SUGCT: variants seen among roughly 807,000 people sequenced by gnomAD.
SUGCT encodes succinyl-CoA:glutarate-CoA transferase.
A neutral mutation model predicts 55.0 loss-of-function variants in SUGCT; 41 were observed. That is an observed-to-expected ratio of 0.74 (90% CI 0.58 to 0.97). SUGCT has a LOEUF of 0.97. Among genes scored for constraint, SUGCT ranks in the 50% least tolerant of loss-of-function variants. The pLI is 0.00. For synonymous variants in SUGCT, 187 were observed against 200.4 expected (o/e 0.93, Z 0.56); for missense variants, 568 against 547.8 (o/e 1.04, Z -0.37).
intron 6 of SUGCT, among the ~76,000 whole-genome samples, chr7:40,230,526 G>A (rs1045906374): frequency 5.9e-5 from 9 of 152,194 alleles, no homozygotes; most frequent in East Asian, 3.8e-4. Context: ...GCAGGCTATC[G>A]CAGGACATGA....
At chr7:40,751,520 A>G (rs1034823645) in intron 13 of SUGCT, among the ~76,000 whole-genome samples, 4 of 152,238 alleles carry the variant, frequency 2.6e-5, no homozygotes, top group African/African-American at 9.6e-5. Flanking sequence ...TTTAGAAAAC[A>G]TCTGGTCTAG....
In SUGCT at chr7:40,496,354, A is replaced by AT; in HGVS notation, c.1057_1058insT (p.Asn353IlefsTer40). On this transcript the variant is annotated frameshift_variant, in exon 12 of 14. Coordinates refer to ENST00000335693, the MANE Select transcript of SUGCT (RefSeq NM_001193313.2). LOFTEE classifies it high-confidence loss of function. ...CAGTGGAGTCCCGTATGGCCCAATCAACAACATGAAGAATGTATTTGCAGA... is the reference window on the plus strand; with the variant it reads ...CAGTGGAGTCCCGTATGGCCCAATCATACAACATGAAGAATGTATTTGCAGA... 1 of 1,612,972 alleles carries AT rather than the reference A, an allele frequency of 6.2e-7. No homozygotes were observed. The highest frequency in any genetic ancestry group is 8.5e-7 in the Non-Finnish European group (1 of 1,179,318).
chr7:40,728,140 C>A (rs1786704501), intron 12 of SUGCT, among the ~76,000 whole-genome samples: 1 of 151,954 alleles, frequency 6.6e-6, no homozygotes, highest in Admixed American at 6.6e-5. Context: ...ATTGACTAAA[C>A]CCATTATATA....
chr7:40,225,858 C>G (rs749937971), intron 6 of SUGCT, among the ~76,000 whole-genome samples: 6 of 152,100 alleles, frequency 3.9e-5, no homozygotes, highest in Non-Finnish European at 7.4e-5. Context: ...GGGTAAGGCA[C>G]TTAGTCTTTC....
chr7:40,787,935 C>T (rs1315221363), intron 13 of SUGCT, among the ~76,000 whole-genome samples: 7 of 152,222 alleles, frequency 4.6e-5, no homozygotes, highest in South Asian at 2.1e-4. Flanking sequence ...CTCCCCTGCC[C>T]GGTGGTAACA....
chr7:40,925,162 G>A, the SUGCT span, among the ~76,000 whole-genome samples: 1 of 152,058 alleles, frequency 6.6e-6, no homozygotes, highest in Non-Finnish European at 1.5e-5. Context: ...CTAACCCTTG[G>A]AATAAAATTT....
intron 9 of SUGCT, among the ~76,000 whole-genome samples, chr7:40,328,783 T>G (rs2151141493): frequency 6.6e-6 from 1 of 152,024 alleles, no homozygotes; most frequent in African/African-American, 2.4e-5. Context: ...GTGTATGTGT[T>G]TTGGAGAAAA....
intron 12 of SUGCT, among the ~76,000 whole-genome samples, chr7:40,705,113 A>T (rs1297625677): frequency 2.0e-5 from 3 of 152,140 alleles, no homozygotes; most frequent in Non-Finnish European, 2.9e-5. Flanking sequence ...GCCCACACCA[A>T]GTTCAGCTGT....
At chr7:40,333,785 G>A (rs1361203886) in intron 9 of SUGCT, among the ~76,000 whole-genome samples, 2 of 141,486 alleles carry the variant, frequency 1.4e-5, no homozygotes, top group African/African-American at 2.7e-5. Flanking sequence ...TAAGTTCTAG[G>A]GTACATGTGC....
the SUGCT span, among the ~76,000 whole-genome samples, chr7:40,908,535 A>G: frequency 6.6e-6 from 1 of 152,176 alleles, no homozygotes; most frequent in Non-Finnish European, 1.5e-5. Context: ...ATGAGGAAAG[A>G]AAGGCAACAT....
intron 12 of SUGCT, among the ~76,000 whole-genome samples, chr7:40,584,885 A>T (rs1044694378): frequency 1.3e-5 from 2 of 152,200 alleles, no homozygotes; most frequent in Admixed American, 1.3e-4. Flanking sequence ...GCTTCCTCTC[A>T]GGAGGATCTC....
At chr7:40,183,895 C>T (rs893452382) in intron 3 of SUGCT, among the ~76,000 whole-genome samples, 2 of 152,000 alleles carry the variant, frequency 1.3e-5, no homozygotes, top group African/African-American at 4.8e-5. Flanking sequence ...CATTGTTGGC[C>T]GGGCATGGTG....
the SUGCT span, among the ~76,000 whole-genome samples, chr7:41,003,609 C>A: frequency 6.6e-6 from 1 of 152,200 alleles, no homozygotes; most frequent in African/African-American, 2.4e-5. Flanking sequence ...ATATGTCTCT[C>A]TATTTCCTTT....
chr7:40,987,713 CAG>C, the SUGCT span, among the ~76,000 whole-genome samples: 4 of 152,172 alleles, frequency 2.6e-5, no homozygotes, highest in Non-Finnish European at 5.9e-5. Flanking sequence ...ATGGAGTAAA[CAG>C]AGAGTATTTG....
At chr7:40,594,564 C>T (rs747636190) in intron 12 of SUGCT, among the ~76,000 whole-genome samples, 11 of 152,124 alleles carry the variant, frequency 7.2e-5, no homozygotes, top group Non-Finnish European at 1.5e-4. Flanking sequence ...TCAATTTTCT[C>T]CTCTATAAAA....
intron 13 of SUGCT, among the ~76,000 whole-genome samples, chr7:40,775,022 T>A (rs1487671427): frequency 1.3e-5 from 2 of 152,226 alleles, no homozygotes; most frequent in African/African-American, 4.8e-5. Flanking sequence ...CTATACTTAT[T>A]TTTGGAACTG....
intron 12 of SUGCT, among the ~76,000 whole-genome samples, chr7:40,717,956 A>T (rs541015330): frequency 6.6e-6 from 1 of 152,310 alleles, no homozygotes; most frequent in South Asian, 2.1e-4. Flanking sequence ...TTTAGTTTTT[A>T]AAAATTATCT....
chr7:40,716,496 T>G (rs967804776), intron 12 of SUGCT, among the ~76,000 whole-genome samples: 1 of 152,242 alleles, frequency 6.6e-6, no homozygotes, highest in African/African-American at 2.4e-5. Context: ...ATCTATTAAA[T>G]GCTTGTTGTG....
intron 13 of SUGCT, among the ~76,000 whole-genome samples, chr7:40,783,261 A>G (rs1004784966): frequency 1.3e-5 from 2 of 152,132 alleles, no homozygotes; most frequent in Admixed American, 1.3e-4. Context: ...GAATTATTTT[A>G]GTCCTGGAGC....
Sources: gnomAD v4.1 joint callset for allele counts (sites outside exome capture counted in the v4.1 genomes callset) on GRCh38, gnomAD v4.1.1 for gene constraint, MANE v1.5 for transcripts, NCBI Gene and HGNC (gene_info 2026-07-23, HGNC 2026-07-21) for gene names.